PAX8: variants seen among roughly 807,000 people sequenced by gnomAD.
PAX8 encodes the protein paired box 8, also known as paired box protein Pax-8.
In PAX8, 15 loss-of-function variants were observed where a neutral mutation model predicts 52.4. The observed-to-expected ratio is 0.29, with a 90% CI of 0.19 to 0.44. PAX8 has a LOEUF of 0.44. Ranked by LOEUF, PAX8 falls within the 20% of genes least tolerant of loss-of-function variation. The pLI, the probability that PAX8 is intolerant of heterozygous loss-of-function variation, is 1.00. For synonymous variants in PAX8, 284 were observed against 249.7 expected (o/e 1.14, Z -1.29); for missense variants, 554 against 602.5 (o/e 0.92, Z 0.84).
chr2:113,226,966 T>C (rs942393280), intron 10 of PAX8, 189 bp downstream of exon 10: 5 of 1,503,334 alleles, frequency 3.3e-6, no homozygotes, highest in Non-Finnish European at 3.6e-6. Flanking sequence ...GCAAGTTAAA[T>C]AGGGAGTCAG....
intron 9 of PAX8, among the ~76,000 whole-genome samples, 198 bp from the exon 10 acceptor site, chr2:113,227,454 G>C (rs1225736518): frequency 2.0e-5 from 3 of 152,192 alleles, no homozygotes; most frequent in Admixed American, 6.5e-5. Context: ...CAGGACAGAG[G>C]CTCCACCATG....
intron 10 of PAX8, among the ~76,000 whole-genome samples, chr2:113,224,015 A>AAGATGTATAG (rs1477526853): frequency 3.9e-5 from 6 of 152,174 alleles, no homozygotes; most frequent in Admixed American, 2.0e-4. Flanking sequence ...TATATATAGA[A>AAGATGTATAG]AGATGTATAG....
chr2:113,218,270 T>G lies in PAX8; in HGVS notation c.*263A>C. On this transcript the variant is annotated 3_prime_UTR_variant, in exon 12 of 12. Coordinates refer to ENST00000429538, the MANE Select transcript of PAX8 (RefSeq NM_003466.4). ...GCTGGGGGCTACATTTCTTCTTCAA[T>G]TTTGTCTTTTTCAGCATGGCATGGT... 7.9e-6 allele frequency: 3 copies of G among 377,968 alleles called. No individual in the cohort carries two copies. Among genetic ancestry groups the G allele is most frequent in the Non-Finnish European group, 4.7e-6 (1 of 212,208 alleles). The allele number at this position is 377,968 out of a possible 1,614,324, so 23.4% of individuals were successfully genotyped here. A position where few individuals can be genotyped will look rare whatever the true frequency, so the allele number is the denominator to read the frequency against.
At chr2:113,238,091 C>T (rs6734596) in intron 7 of PAX8, 66,939 of 135,944 alleles carry the variant, frequency 0.49, 16,536 homozygotes, top group Middle Eastern at 0.68. Context: ...TTTTTGTAGA[C>T]GGAGTTTTGC....
intron 2 of PAX8, among the ~76,000 whole-genome samples, chr2:113,265,189 A>G (rs927144464): frequency 6.6e-6 from 1 of 152,222 alleles, no homozygotes; most frequent in African/African-American, 2.4e-5. Context: ...ACTTAATAAA[A>G]TCACCGCAAA....
intron 7 of PAX8, 26 bp downstream of exon 7, chr2:113,241,525 T>C: frequency 3.8e-6 from 6 of 1,584,098 alleles, no homozygotes; most frequent in Non-Finnish European, 5.1e-6. Flanking sequence ...CCCACCCTGT[T>C]CACCTCCCAG....
chr2:113,245,357 A>G lies in PAX8; in HGVS notation c.192-733T>C, dbSNP rs147881157. ...CACCATGCCCAGCCAATGACTGACT[A>G]TTTTCTTTGGCCACCTAGAAAGCTA... is the stretch of plus-strand genomic sequence containing the variant. On this transcript the variant is annotated intron_variant, in intron 3 of 11. Coordinates refer to ENST00000429538, the MANE Select transcript of PAX8 (RefSeq NM_003466.4). 2.7e-3 allele frequency among the ~76,000 whole-genome samples: 415 copies of G among 151,872 alleles called. 7 individuals carry two copies. Among genetic ancestry groups the G allele is most frequent in the African/African-American group, 9.7e-3 (404 of 41,436 alleles).
chr2:113,235,821 T>C, intron 8 of PAX8: 2 of 515,412 alleles, frequency 3.9e-6, no homozygotes, highest in South Asian at 2.6e-5. Context: ...AAGGCGTGTG[T>C]GCGCCCGCCT....
chr2:113,272,760 T>C (rs1414494653), intron 2 of PAX8: 1 of 152,194 alleles, frequency 6.6e-6, no homozygotes, highest in East Asian at 1.9e-4. Context: ...GCGAAGAAGG[T>C]GTTCCAATCT....
intron 2 of PAX8, among the ~76,000 whole-genome samples, chr2:113,264,488 A>G (rs1237693904): frequency 6.6e-6 from 1 of 152,262 alleles, no homozygotes; most frequent in Non-Finnish European, 1.5e-5. Context: ...CAAATGTGCA[A>G]GTTGCATCAA....
chr2:113,267,269 C>T (rs7580516), intron 2 of PAX8: 26,184 of 152,278 alleles, frequency 0.17, 2,498 homozygotes, highest in African/African-American at 0.26. Context: ...TGAGTCCTGC[C>T]GCTACTGCTG....
chr2:113,235,667 A>T, intron 8 of PAX8, 85 bp from the exon 9 acceptor site: 2 of 1,188,936 alleles, frequency 1.7e-6, no homozygotes, highest in Non-Finnish European at 2.4e-6. Context: ...TGGGATGTGG[A>T]GGGTGCGGGC....
intron 8 of PAX8, 41 bp downstream of exon 8, chr2:113,236,559 TC>T (rs1336596887): frequency 6.5e-7 from 1 of 1,542,332 alleles, no homozygotes; most frequent in Non-Finnish European, 8.7e-7. Context: ...AGCTCTTCAG[TC>T]CCCCGCCCTC....
chr2:113,271,606 A>T (rs559685512), intron 2 of PAX8: 1 of 151,290 alleles, frequency 6.6e-6, no homozygotes, highest in South Asian at 2.1e-4. Flanking sequence ...AAGCAAGCTG[A>T]TAGACGGAAG....
intron 7 of PAX8, chr2:113,238,154 C>T (rs1231081246): frequency 1.3e-5 from 2 of 150,212 alleles, no homozygotes; most frequent in Non-Finnish European, 2.9e-5. Context: ...ACTGCAACCT[C>T]TGCTTCCTGG....
chr2:113,246,643 A>G, intron 3 of PAX8, 111 bp downstream of exon 3: 2 of 1,243,184 alleles, frequency 1.6e-6, no homozygotes, highest in Admixed American at 3.5e-5. Flanking sequence ...AAAGCTGGAC[A>G]TTGGGAGCAA....
chr2:113,227,771 G>C (rs1037939376), intron 9 of PAX8, among the ~76,000 whole-genome samples: 1 of 152,032 alleles, frequency 6.6e-6, no homozygotes, highest in African/African-American at 2.4e-5. Context: ...ATTTTTTGGG[G>C]GGCCTGTGAC....
intron 2 of PAX8, among the ~76,000 whole-genome samples, chr2:113,258,308 C>G (rs571419967): frequency 2.6e-4 from 39 of 152,342 alleles, no homozygotes; most frequent in Non-Finnish European, 4.9e-4. Flanking sequence ...ATCGCTGCCT[C>G]CTTTCTTCCC....
At chr2:113,233,938 T>A (rs1690072744) in intron 9 of PAX8, among the ~76,000 whole-genome samples, 1 of 152,218 alleles carries the variant, frequency 6.6e-6, no homozygotes, top group Non-Finnish European at 1.5e-5. Context: ...TGTCTGACTC[T>A]GGGCTGCCTC....
Sources: gnomAD v4.1 joint callset for allele counts (sites outside exome capture counted in the v4.1 genomes callset) on GRCh38, gnomAD v4.1.1 for gene constraint, MANE v1.5 for transcripts, NCBI Gene and HGNC (gene_info 2026-07-23, HGNC 2026-07-21) for gene names.